LINGO2: variants seen among roughly 807,000 people sequenced by gnomAD.
LINGO2 encodes the protein leucine rich repeat and Ig domain containing 2.
In LINGO2, 14 loss-of-function variants were observed where a neutral mutation model predicts 30.6. The ratio of observed to expected loss-of-function variants is 0.46; its 90% confidence interval spans 0.30 to 0.72. The LOEUF (loss-of-function observed/expected upper bound fraction) is 0.72. Ranked by LOEUF, LINGO2 falls within the 30% of genes least tolerant of loss-of-function variation. The pLI is 0.07. For missense variants in LINGO2, 729 were observed against 751.7 expected (o/e 0.97, Z 0.35); for synonymous variants, 317 against 288.5 (o/e 1.10, Z -1.00).
rs115090037 is a variant in LINGO2 at position 28,564,752 on chromosome 9, G to A, written c.-364-88727C>T. 7.5e-3 allele frequency among the ~76,000 whole-genome samples: 1,144 copies of A among 152,076 alleles called. 13 individuals carry two copies. Among genetic ancestry groups the A allele is most frequent in the African/African-American group, 0.026 (1,098 of 41,500 alleles). On this transcript the variant is annotated intron_variant, in intron 1 of 5. Transcript: ENST00000379992. ...TGCACTGTTTAATGCAATTGTTACCGGCGATGTGTGTCACTTTACACTTAA... is the reference window on the plus strand; with the variant it reads ...TGCACTGTTTAATGCAATTGTTACCAGCGATGTGTGTCACTTTACACTTAA...
chr9:28,861,215 TAA>T, the LINGO2 span, among the ~76,000 whole-genome samples: 52 of 115,628 alleles, frequency 4.5e-4, no homozygotes, highest in African/African-American at 1.6e-3. Context: ...ATTTTTTATA[TAA>T]TATTATATAA....
rs1587689548 is a variant in LINGO2, at chr9:28,013,619, T to G, written c.-86-1214A>C. 2.0e-5 allele frequency among the ~76,000 whole-genome samples: 3 copies of G among 152,324 alleles called. No homozygotes were observed. The East Asian group carries it at 5.8e-4, about 29-fold the overall frequency. ...TGAGAAGAAGCTGATAGTAAGTAGC[T>G]CTACTTTTAGTTTCTTATTGTCTAC... On this transcript the variant is annotated intron_variant, in intron 4 of 5. Transcript: ENST00000379992.
At chr9:28,967,205 C>G in the LINGO2 span, among the ~76,000 whole-genome samples, 1 of 152,076 alleles carries the variant, frequency 6.6e-6, no homozygotes, top group Non-Finnish European at 1.5e-5. Context: ...CAAGGCAGTG[C>G]CCAATTCACA....
intron 4 of LINGO2, among the ~76,000 whole-genome samples, chr9:28,278,969 C>G (rs958645651): frequency 6.6e-6 from 1 of 151,958 alleles, no homozygotes; most frequent in Non-Finnish European, 1.5e-5. Flanking sequence ...AAATAACAAC[C>G]CTAACAAGAG....
the LINGO2 span, among the ~76,000 whole-genome samples, chr9:29,022,166 T>A: frequency 1.3e-5 from 2 of 152,182 alleles, no homozygotes; most frequent in Non-Finnish European, 2.9e-5. Flanking sequence ...ATTTTCTCCT[T>A]CTTAAAATGA....
intron 1 of LINGO2, among the ~76,000 whole-genome samples, chr9:28,535,842 GA>G (rs1217183073): frequency 2.0e-5 from 3 of 152,066 alleles, no homozygotes; most frequent in Non-Finnish European, 4.4e-5. Context: ...AAAGGTTACT[GA>G]TATCATAATA....
chr9:28,716,883 C>T, the LINGO2 span, among the ~76,000 whole-genome samples: 415 of 152,022 alleles, frequency 2.7e-3, 3 homozygotes, highest in African/African-American at 9.7e-3. Context: ...TTTCCATTTA[C>T]CTAGAGACTA....
chr9:27,966,487 G>A lies in LINGO2; in HGVS notation c.-35-15781C>T, dbSNP rs138003044. ...ACACAGGAACAGAAAACCAAACACC[G>A]CTTGTTCTCACTCATAAGTGGGAAT... is the stretch of plus-strand genomic sequence containing the variant. On this transcript the variant is annotated intron_variant, in intron 5 of 5. Coordinates refer to ENST00000379992, the Ensembl canonical transcript of LINGO2. Among the ~76,000 whole-genome samples the A allele has an allele frequency of 3.4e-4, 51 of 152,124 alleles. No individual in the cohort carries two copies. The South Asian group carries it at 4.6e-3, about 14-fold the overall frequency.
At chr9:29,013,579 T>C in the LINGO2 span, among the ~76,000 whole-genome samples, 2 of 152,084 alleles carry the variant, frequency 1.3e-5, no homozygotes, top group Non-Finnish European at 2.9e-5. Flanking sequence ...TGAAACATAA[T>C]ACTATGAGGA....
At chr9:28,858,531 A>C in the LINGO2 span, among the ~76,000 whole-genome samples, 1 of 152,006 alleles carries the variant, frequency 6.6e-6, no homozygotes, top group Non-Finnish European at 1.5e-5. Flanking sequence ...CTAGTCACCA[A>C]AGGTCTCCAT....
At chr9:28,977,979 TGGGAAGCCAGAACCACTG>T in the LINGO2 span, among the ~76,000 whole-genome samples, 1 of 152,112 alleles carries the variant, frequency 6.6e-6, no homozygotes, top group Non-Finnish European at 1.5e-5. Flanking sequence ...ATCACAGAAC[TGGGAAGCCAGAACCACTG>T]GAAAATGAAG....
the LINGO2 span, among the ~76,000 whole-genome samples, chr9:28,703,339 A>C: frequency 6.6e-6 from 1 of 151,860 alleles, no homozygotes; most frequent in Non-Finnish European, 1.5e-5. Context: ...TTATTTCAAA[A>C]TATTTTAAAA....
At chr9:28,173,881 C>A (rs189646023) in intron 4 of LINGO2, among the ~76,000 whole-genome samples, 1 of 152,262 alleles carries the variant, frequency 6.6e-6, no homozygotes, top group Admixed American at 6.5e-5. Flanking sequence ...AAGTCAGGAA[C>A]CCTCAACTGG....
At chr9:28,923,856 A>G in the LINGO2 span, among the ~76,000 whole-genome samples, 3 of 152,148 alleles carry the variant, frequency 2.0e-5, no homozygotes, top group Admixed American at 2.0e-4. Context: ...GCAAGTAAAG[A>G]GGGGGTAAAT....
At chr9:28,478,907 A>C (rs926492478) in intron 1 of LINGO2, among the ~76,000 whole-genome samples, 2 of 151,968 alleles carry the variant, frequency 1.3e-5, no homozygotes, top group Admixed American at 1.3e-4. Context: ...ATTTGAGCTA[A>C]CTTCTGCACT....
chr9:28,189,311 GGA>G (rs1456702878), intron 4 of LINGO2, among the ~76,000 whole-genome samples: 8 of 61,136 alleles, frequency 1.3e-4, no homozygotes, highest in African/African-American at 2.1e-4. Context: ...AAGGGAGGAA[GGA>G]AGGAAGGAAG....
the LINGO2 span, among the ~76,000 whole-genome samples, chr9:28,796,549 A>T: frequency 6.6e-6 from 1 of 152,084 alleles, no homozygotes; most frequent in Non-Finnish European, 1.5e-5. Context: ...ATCTATTGAA[A>T]TGTTCTCATT....
chr9:28,552,929 T>C (rs1240243002), intron 1 of LINGO2, among the ~76,000 whole-genome samples: 2 of 151,958 alleles, frequency 1.3e-5, no homozygotes, highest in Non-Finnish European at 2.9e-5. Flanking sequence ...ATGAAGAACC[T>C]TTTCTCACAT....
intron 3 of LINGO2, among the ~76,000 whole-genome samples, chr9:28,339,810 G>A (rs1239112285): frequency 6.6e-6 from 1 of 152,080 alleles, no homozygotes; most frequent in African/African-American, 2.4e-5. Context: ...CATTCCTACA[G>A]GAGTCAAAGT....
Sources: gnomAD v4.1 joint callset for allele counts (sites outside exome capture counted in the v4.1 genomes callset) on GRCh38, gnomAD v4.1.1 for gene constraint, MANE v1.5 for transcripts, NCBI Gene and HGNC (gene_info 2026-07-23, HGNC 2026-07-21) for gene names.